ADGRV1: variants seen among roughly 807,000 people sequenced by gnomAD.
ADGRV1 encodes the protein G-protein coupled receptor 98.
A neutral mutation model predicts 596.2 loss-of-function variants in ADGRV1; 359 were observed. The ratio of observed to expected loss-of-function variants is 0.60; its 90% CI spans 0.55 to 0.66. The LOEUF is 0.66. Among genes scored for constraint, ADGRV1 ranks in the 30% least tolerant of loss-of-function variants. The pLI is 0.00. For missense variants in ADGRV1, 7,274 were observed against 7,575.6 expected (o/e 0.96, Z 1.48); for synonymous variants, 2,681 against 2,679.2 (o/e 1.00, Z -0.02).
intron 1 of ADGRV1, among the ~76,000 whole-genome samples, chr5:90,610,101 A>G (rs1209097584): frequency 6.6e-6 from 1 of 151,914 alleles, no homozygotes; most frequent in Non-Finnish European, 1.5e-5. Context: ...TTTCCTTTTA[A>G]TCAGAATATG....
intron 83 of ADGRV1, among the ~76,000 whole-genome samples, chr5:90,920,179 T>C (rs1773752742): frequency 6.6e-6 from 1 of 152,094 alleles, no homozygotes; most frequent in South Asian, 2.1e-4. Context: ...GTTCAGTGTC[T>C]GGTGAGGGCC....
intron 85 of ADGRV1, among the ~76,000 whole-genome samples, chr5:91,051,515 A>G (rs1163400347): frequency 7.0e-6 from 1 of 143,002 alleles, no homozygotes; most frequent in African/African-American, 2.6e-5. Context: ...GGTTAGGGGT[A>G]TTAAATGCAT....
intron 84 of ADGRV1, among the ~76,000 whole-genome samples, chr5:90,973,757 CA>C (rs1436528986): frequency 6.6e-6 from 1 of 152,110 alleles, no homozygotes; most frequent in Non-Finnish European, 1.5e-5. Flanking sequence ...ACTGAATGGG[CA>C]AAAACTGGAA....
chr5:90,595,028 G>A (rs1760091711), intron 1 of ADGRV1, among the ~76,000 whole-genome samples: 2 of 144,760 alleles, frequency 1.4e-5, no homozygotes, highest in African/African-American at 5.4e-5. Flanking sequence ...TGGTGGCCGG[G>A]CAGAGGGGCT....
chr5:90,771,025 TC>T (rs1757638620), intron 59 of ADGRV1, among the ~76,000 whole-genome samples: 1 of 152,188 alleles, frequency 6.6e-6, no homozygotes, highest in South Asian at 2.1e-4. Context: ...TTGCATAGAT[TC>T]CCCTTAGTAT....
intron 87 of ADGRV1, among the ~76,000 whole-genome samples, chr5:91,136,609 T>C (rs1045915783): frequency 7.9e-5 from 12 of 152,242 alleles, no homozygotes; most frequent in Admixed American, 4.6e-4. Flanking sequence ...CTTTATAAAT[T>C]TGATCTACAG....
intron 84 of ADGRV1, among the ~76,000 whole-genome samples, chr5:90,967,940 G>A (rs142606767): frequency 7.2e-5 from 11 of 152,288 alleles, no homozygotes; most frequent in South Asian, 2.1e-4. Flanking sequence ...ACATGTTTAC[G>A]TTGTAATTTA....
At chr5:91,126,248 C>A (rs1266838401) in intron 87 of ADGRV1, among the ~76,000 whole-genome samples, 4 of 152,216 alleles carry the variant, frequency 2.6e-5, no homozygotes, top group Non-Finnish European at 4.4e-5. Context: ...ACTCCCCTTC[C>A]ACAAATTCTC....
intron 79 of ADGRV1, among the ~76,000 whole-genome samples, chr5:90,849,614 T>G (rs1581315465): frequency 1.3e-5 from 2 of 152,148 alleles, no homozygotes; most frequent in South Asian, 4.1e-4. Flanking sequence ...GGTCTTGAAC[T>G]CCTGGGCTCA....
At chr5:91,154,528 G>A (rs990220033) in intron 89 of ADGRV1, among the ~76,000 whole-genome samples, 5 of 152,362 alleles carry the variant, frequency 3.3e-5, no homozygotes, top group Admixed American at 1.3e-4. Flanking sequence ...GCCTGGCCTT[G>A]AGACCGTGCT....
intron 87 of ADGRV1, among the ~76,000 whole-genome samples, chr5:91,143,702 G>A (rs1411843737): frequency 6.6e-6 from 1 of 152,186 alleles, no homozygotes; most frequent in Admixed American, 6.5e-5. Flanking sequence ...TTGCAGGACT[G>A]ACAGCCTGGC....
chr5:90,924,790 G>A (rs377227198), intron 83 of ADGRV1, among the ~76,000 whole-genome samples: 15 of 150,640 alleles, frequency 1.0e-4, no homozygotes, highest in East Asian at 3.9e-4. Context: ...TCTTTAATCC[G>A]TCTTGAATTG....
At chr5:90,716,351 A>G in intron 42 of ADGRV1, 116 bp from the exon 43 acceptor site, 2 of 629,086 alleles carry the variant, frequency 3.2e-6, no homozygotes, top group Non-Finnish European at 5.2e-6. Flanking sequence ...GATCATCTTA[A>G]GACAATCACC....
At chr5:90,602,900 A>T (rs1229427505) in intron 1 of ADGRV1, among the ~76,000 whole-genome samples, 1 of 152,248 alleles carries the variant, frequency 6.6e-6, no homozygotes, top group Non-Finnish European at 1.5e-5. Flanking sequence ...GGGCACATGC[A>T]AAGTGGTGTG....
At chr5:90,958,159 T>G (rs1215172509) in intron 83 of ADGRV1, among the ~76,000 whole-genome samples, 2 of 150,786 alleles carry the variant, frequency 1.3e-5, no homozygotes, top group African/African-American at 2.4e-5. Context: ...GGTGCATGCC[T>G]GTAGTCCCCA....
chr5:90,685,974 G>C lies in ADGRV1; in HGVS notation c.6469G>C (p.Val2157Leu), dbSNP rs144723817. The stretch of plus-strand genomic sequence containing the variant: ...AGATGTCTCTGTGAAGTTTAAAGCT[G>C]TGCCAATAACTGCAATAGCTGGTAA... ...FADVSVKFKAVPITAIAGEDY... is the reference protein window; with the variant it reads ...FADVSVKFKALPITAIAGEDY... Residue 2157 changes from valine to leucine, a missense_variant, in exon 29 of 90, where the codon GTG (valine) becomes CTG (leucine). Around this residue, in one of 5 missense-constraint regions of ADGRV1, gnomAD observed 3,643 missense variants for 3,809.2 expected, o/e 0.96. Coordinates refer to ENST00000405460, the MANE Select transcript of ADGRV1 (RefSeq NM_032119.4). 4.4e-6 allele frequency: 7 copies of C among 1,587,024 alleles called. No individual in the cohort carries two copies. In the South Asian group the frequency reaches 8.1e-5, roughly 18 times the overall value.
intron 7 of ADGRV1, among the ~76,000 whole-genome samples, chr5:90,628,192 C>T (rs1765040284): frequency 7.1e-6 from 1 of 140,374 alleles, no homozygotes; most frequent in Non-Finnish European, 1.5e-5. Context: ...TCAAGACCAG[C>T]CTGGGCAACA....
rs569264907 is a variant in ADGRV1 at position 90,767,481 on chromosome 5, CTA to C, written c.12285+4017_12285+4018del. On this transcript the variant is annotated intron_variant, in intron 59 of 89. Transcript: ENST00000405460. ...AGAAAATATTGAAAATTGTAAGAGACTATATAAATGTCGACAAATAAATTTTA... is the reference window on the plus strand; with the variant it reads ...AGAAAATATTGAAAATTGTAAGAGACTATAAATGTCGACAAATAAATTTTA... 1.8e-3 allele frequency among the ~76,000 whole-genome samples: 271 copies of C among 152,150 alleles called. 1 individual carries two copies. Among genetic ancestry groups the C allele is most frequent in the African/African-American group, 6.1e-3 (253 of 41,508 alleles).
chr5:90,912,483 C>A (rs1275284159), intron 83 of ADGRV1, among the ~76,000 whole-genome samples: 1 of 152,028 alleles, frequency 6.6e-6, no homozygotes, highest in African/African-American at 2.4e-5. Context: ...ATCTTGTCAC[C>A]CAGGTAGTAA....
Sources: allele counts gnomAD v4.1 joint callset (sites outside exome capture counted in the v4.1 genomes callset), GRCh38; gene constraint gnomAD v4.1.1; regional missense constraint gnomAD v4.1.1; transcripts MANE v1.5; gene names NCBI Gene and HGNC (gene_info 2026-07-23, HGNC 2026-07-21).